Variants in KAZN observed in about 807,000 individuals in gnomAD.
KAZN encodes the protein kazrin.
Under a neutral mutation model 87.4 loss-of-function variants are expected in KAZN, and 40 were observed. The observed-to-expected ratio is 0.46, with a 90% confidence interval of 0.36 to 0.60. The LOEUF is 0.60. Ranked by LOEUF, KAZN falls within the 20% of genes least tolerant of loss-of-function variation. The pLI is 0.00. For synonymous variants in KAZN, 466 were observed against 458.3 expected (o/e 1.02, Z -0.22); for missense variants, 898 against 1,073.9 (o/e 0.84, Z 2.29).
rs148638865 is a variant in KAZN, at chr1:14,010,917, C to T, written c.91+117161C>T. Among the ~76,000 whole-genome samples the T allele has an allele frequency of 5.3e-5, 8 of 152,328 alleles. No homozygotes were observed. In the East Asian group the frequency reaches 1.5e-3, roughly 29 times the overall value. On this transcript the variant is annotated intron_variant, in intron 1 of 16. Transcript: ENST00000636203. ...CTCTTTGCCAATGGCAGAAACTACC[C>T]TGTGATTCTCACAGCCTTTAGCCTT... is the stretch of plus-strand genomic sequence containing the variant.
chr1:14,225,220 G>A (rs1647219479), intron 2 of KAZN, among the ~76,000 whole-genome samples: 2 of 152,042 alleles, frequency 1.3e-5, no homozygotes, highest in African/African-American at 4.8e-5. Context: ...CAAAATCAAT[G>A]TACAAAAATG....
chr1:14,060,092 C>A (rs72861240), intron 1 of KAZN, among the ~76,000 whole-genome samples: 3,335 of 151,600 alleles, frequency 0.022, 114 homozygotes, highest in African/African-American at 0.077. Context: ...AGCCTGGGGG[C>A]AGTGGTTCAC....
At chr1:14,291,859 C>G (rs752621519) in intron 2 of KAZN, among the ~76,000 whole-genome samples, 1 of 152,156 alleles carries the variant, frequency 6.6e-6, no homozygotes, top group Non-Finnish European at 1.5e-5. Context: ...GGGCTTTTCC[C>G]CCTGTGCTTG....
intron 2 of KAZN, among the ~76,000 whole-genome samples, chr1:14,484,676 G>A (rs150162914): frequency 3.9e-5 from 6 of 152,274 alleles, no homozygotes; most frequent in East Asian, 1.9e-4. Flanking sequence ...TCCAAGACTC[G>A]GCTCCGCAAG....
intron 1 of KAZN, among the ~76,000 whole-genome samples, chr1:13,996,228 CA>C (rs948619695): frequency 6.6e-6 from 1 of 152,176 alleles, no homozygotes; most frequent in African/African-American, 2.4e-5. Flanking sequence ...ATCCCACTCA[CA>C]AACGTGTGCC....
At chr1:15,072,666 C>T (rs1202860176) in intron 8 of KAZN, among the ~76,000 whole-genome samples, 6 of 152,208 alleles carry the variant, frequency 3.9e-5, no homozygotes, top group Non-Finnish European at 8.8e-5. Context: ...TACATGTCAT[C>T]CCCAGTTTAC....
chr1:14,417,296 G>A lies in KAZN; in HGVS notation c.250-181687G>A, dbSNP rs180891671. 5.3e-5 allele frequency among the ~76,000 whole-genome samples: 8 copies of A among 152,186 alleles called. No individual in the cohort carries two copies. In the East Asian group the frequency reaches 1.5e-3, roughly 29 times the overall value. On this transcript the variant is annotated intron_variant, in intron 2 of 16. Transcript: ENST00000636203. ...CATTAAGAAGGGCAATTTTTAAAAC[G>A]CTAAATCCATTGCACCAGGCTACTG...
chr1:14,256,405 GGAGA>G (rs1650517390), intron 2 of KAZN, among the ~76,000 whole-genome samples: 1 of 151,968 alleles, frequency 6.6e-6, no homozygotes, highest in African/African-American at 2.4e-5. Context: ...AAGGAGAGAA[GGAGA>G]GAGGGAAAGG....
chr1:14,996,348 T>A lies in KAZN; in HGVS notation c.418+35473T>A, dbSNP rs1667858864. Among the ~76,000 whole-genome samples, 1 of 152,040 alleles carries A rather than the reference T, an allele frequency of 6.6e-6. No individual in the cohort carries two copies. Among genetic ancestry groups the A allele is most frequent in the Non-Finnish European group, 1.5e-5 (1 of 68,008 alleles). The stretch of plus-strand genomic sequence containing the variant: ...GTCCCTTCTCCCTGGGTCCTGACAC[T>A]GGATTTTAACATATTGGGTTGCTTG... On this transcript the variant is annotated intron_variant, in intron 2 of 14. Coordinates refer to ENST00000376030, the MANE Select transcript of KAZN (RefSeq NM_201628.3). The surrounding 1 kb of genome is among the most constrained non-coding windows in gnomAD (Gnocchi z 5.9).
At chr1:14,327,405 C>T (rs1031024126) in intron 2 of KAZN, among the ~76,000 whole-genome samples, 3 of 152,148 alleles carry the variant, frequency 2.0e-5, no homozygotes, top group African/African-American at 7.2e-5. Flanking sequence ...GAAGCCCCTA[C>T]CTGGAATGCC....
intron 2 of KAZN, among the ~76,000 whole-genome samples, chr1:14,214,174 G>T (rs1330679784): frequency 1.3e-5 from 2 of 152,188 alleles, no homozygotes; most frequent in African/African-American, 4.8e-5. Context: ...GATCATCAAA[G>T]ATGTGAATAT....
chr1:14,459,013 T>G (rs181596676), intron 2 of KAZN, among the ~76,000 whole-genome samples: 4 of 152,286 alleles, frequency 2.6e-5, no homozygotes, highest in African/African-American at 7.2e-5. Flanking sequence ...GTTTCCTTTT[T>G]GTTTGTCAAA....
chr1:14,222,059 A>T (rs549640503), intron 2 of KAZN: 2 of 152,292 alleles, frequency 1.3e-5, no homozygotes, highest in East Asian at 3.9e-4. Flanking sequence ...ATTCATCCAA[A>T]TTGCCAGAAG....
chr1:14,529,164 C>A (rs889852037), intron 2 of KAZN, among the ~76,000 whole-genome samples: 1 of 152,036 alleles, frequency 6.6e-6, no homozygotes, highest in Non-Finnish European at 1.5e-5. Context: ...ATTAGCTGGG[C>A]GTGGTGGCAG....
At chr1:14,958,875 C>T (rs1002982539) in intron 1 of KAZN, among the ~76,000 whole-genome samples, 2 of 152,000 alleles carry the variant, frequency 1.3e-5, no homozygotes, top group Non-Finnish European at 1.5e-5. Context: ...GAGGGTGGGA[C>T]GGCCAGGTGG....
At chr1:14,028,408 A>G (rs1193563751) in intron 1 of KAZN, among the ~76,000 whole-genome samples, 1 of 152,066 alleles carries the variant, frequency 6.6e-6, no homozygotes, top group Non-Finnish European at 1.5e-5. Flanking sequence ...GAATTTGTCT[A>G]CTATCTAATC....
In KAZN at chr1:14,574,995, G is replaced by A. The variant is rs146640901; in HGVS notation, c.250-23988G>A. ...GAGCTTAAGCAGCAGGTAGAAAGGC[G>A]CAGGTGTGGGAGCTTATGGCACATT... On this transcript the variant is annotated intron_variant, in intron 2 of 16. Transcript: ENST00000636203. Among the ~76,000 whole-genome samples, 294 of 151,912 alleles carry A rather than the reference G, an allele frequency of 1.9e-3. 2 individuals are homozygous for A. Among genetic ancestry groups the A allele is most frequent in the Middle Eastern group, 6.8e-3 (2 of 292 alleles).
intron 2 of KAZN, among the ~76,000 whole-genome samples, chr1:14,457,363 G>T (rs935164316): frequency 5.3e-5 from 8 of 152,120 alleles, no homozygotes; most frequent in Non-Finnish European, 2.9e-5. Flanking sequence ...CTCTACCAGG[G>T]TTGCCTGTTT....
intron 2 of KAZN, among the ~76,000 whole-genome samples, chr1:14,217,701 A>G (rs1385922637): frequency 6.6e-6 from 1 of 152,154 alleles, no homozygotes. Context: ...TACACACCAC[A>G]TAACTAAGGA....
Sources: allele counts gnomAD v4.1 joint callset (sites outside exome capture counted in the v4.1 genomes callset), GRCh38; gene constraint gnomAD v4.1.1; non-coding constraint Gnocchi (gnomAD v3.1); transcripts MANE v1.5; gene names NCBI Gene and HGNC (gene_info 2026-07-23, HGNC 2026-07-21).